Variants in MCTP1 observed in about 807,000 individuals in gnomAD.
MCTP1 encodes the protein multiple C2 and transmembrane domain containing 1.
Under a neutral mutation model 120.6 loss-of-function variants are expected in MCTP1, and 69 were observed. The ratio of observed to expected loss-of-function variants is 0.57; its 90% confidence interval spans 0.47 to 0.70. MCTP1 has a LOEUF of 0.70. Among genes scored for constraint, MCTP1 ranks in the 30% least tolerant of loss-of-function variants. The pLI is 0.00. For missense variants in MCTP1, 1,203 were observed against 1,248.8 expected (o/e 0.96, Z 0.55); for synonymous variants, 529 against 493.1 (o/e 1.07, Z -0.96).
intron 11 of MCTP1, among the ~76,000 whole-genome samples, chr5:94,889,750 C>CCACACACACACACACACA (rs750983646): frequency 1.2e-3 from 172 of 145,704 alleles, no homozygotes; most frequent in Middle Eastern, 6.9e-3. Flanking sequence ...TGAATGTACA[C>CCACACACACACACACACA]CACACACACA....
At chr5:95,005,196 T>C (rs1004435730) in intron 2 of MCTP1, among the ~76,000 whole-genome samples, 1 of 152,104 alleles carries the variant, frequency 6.6e-6, no homozygotes, top group South Asian at 2.1e-4. Context: ...GGCCAATTTT[T>C]CCCTTTTTTT....
At chr5:95,119,895 G>A (rs10476624) in intron 1 of MCTP1, among the ~76,000 whole-genome samples, 420 of 151,988 alleles carry the variant, frequency 2.8e-3, no homozygotes, top group African/African-American at 9.4e-3. Context: ...CCCAGCAGCC[G>A]GGCGCGGTGG....
intron 17 of MCTP1, among the ~76,000 whole-genome samples, chr5:94,816,219 A>AT (rs1356894623): frequency 6.6e-6 from 1 of 152,350 alleles, no homozygotes; most frequent in East Asian, 1.9e-4. Flanking sequence ...ATCTTTGTGT[A>AT]TATGGATACA....
At chr5:95,016,104 A>T (rs896323965) in intron 2 of MCTP1, among the ~76,000 whole-genome samples, 2 of 152,144 alleles carry the variant, frequency 1.3e-5, no homozygotes, top group African/African-American at 4.8e-5. Context: ...CCAGACAGTT[A>T]TTTTGAAAAC....
At chr5:95,028,417 C>A (rs930718615) in intron 1 of MCTP1, among the ~76,000 whole-genome samples, 1 of 152,032 alleles carries the variant, frequency 6.6e-6, no homozygotes, top group Non-Finnish European at 1.5e-5. Context: ...CCAAACTAAA[C>A]AAAATGGGCC....
chr5:95,138,678 C>T (rs1283025627), intron 1 of MCTP1, among the ~76,000 whole-genome samples: 1 of 152,134 alleles, frequency 6.6e-6, no homozygotes, highest in Non-Finnish European at 1.5e-5. Context: ...GAGCCGCCGT[C>T]CCTCCAGCTG....
chr5:94,875,940 T>G (rs1798778153), intron 12 of MCTP1, among the ~76,000 whole-genome samples: 1 of 152,144 alleles, frequency 6.6e-6, no homozygotes, highest in African/African-American at 2.4e-5. Flanking sequence ...ACATCAGGTC[T>G]TTCCACACTA....
intron 1 of MCTP1, among the ~76,000 whole-genome samples, chr5:95,228,131 G>C (rs184006820): frequency 6.6e-6 from 1 of 152,146 alleles, no homozygotes; most frequent in Non-Finnish European, 1.5e-5. Flanking sequence ...AATGATGTTT[G>C]AGACTTTGAA....
rs1754411237 is a variant in MCTP1, at chr5:94,705,777, T to TATC, written c.*1716_*1718dup. On this transcript the variant is annotated 3_prime_UTR_variant, in exon 23 of 23. Transcript: ENST00000515393. ...ATAATTGAAAGTTATTTCAAACAGT[T>TATC]ATCTCATCAATAAACTTTCTGTAGT... is the stretch of plus-strand genomic sequence containing the variant. 1 of 151,596 alleles carries TATC rather than the reference T, an allele frequency of 6.6e-6. No individual in the cohort carries two copies. The allele number at this position is 151,596 out of a possible 1,614,324, so 9.4% of individuals were successfully genotyped here. A position where few individuals can be genotyped will look rare whatever the true frequency, so the allele number is the denominator to read the frequency against.
At chr5:95,259,162 T>G (rs1386890209) in intron 1 of MCTP1, among the ~76,000 whole-genome samples, 2 of 152,164 alleles carry the variant, frequency 1.3e-5, no homozygotes, top group African/African-American at 4.8e-5. Context: ...CGCGTCAAGT[T>G]GCCAGAGGCC....
At chr5:94,905,181 T>A (rs1182403494) in intron 10 of MCTP1, among the ~76,000 whole-genome samples, 1 of 152,056 alleles carries the variant, frequency 6.6e-6, no homozygotes, top group Non-Finnish European at 1.5e-5. Context: ...GGAGGGTGTC[T>A]GGTATGCCTT....
At chr5:94,867,102 A>G (rs1390187218) in intron 17 of MCTP1, 1 of 698,948 alleles carries the variant, frequency 1.4e-6, no homozygotes, top group African/African-American at 1.8e-5. Flanking sequence ...TCATCAATGT[A>G]AAAGTACCTC....
chr5:95,254,118 G>C (rs1364625541), intron 1 of MCTP1, among the ~76,000 whole-genome samples: 1 of 151,996 alleles, frequency 6.6e-6, no homozygotes, highest in Non-Finnish European at 1.5e-5. Context: ...CTTCCCTCTT[G>C]TATTTCTCTC....
At chr5:95,207,299 T>C (rs1751736842) in intron 1 of MCTP1, among the ~76,000 whole-genome samples, 1 of 152,172 alleles carries the variant, frequency 6.6e-6, no homozygotes, top group Non-Finnish European at 1.5e-5. Context: ...GGCTTATCTC[T>C]GGGACAGAGG....
At chr5:95,212,106 T>C (rs1431821618) in intron 1 of MCTP1, among the ~76,000 whole-genome samples, 1 of 151,708 alleles carries the variant, frequency 6.6e-6, no homozygotes, top group African/African-American at 2.4e-5. Context: ...TCAACAAAAT[T>C]GACAGACTGC....
chr5:94,986,763 G>A (rs181735319), intron 2 of MCTP1, among the ~76,000 whole-genome samples: 118 of 152,112 alleles, frequency 7.8e-4, no homozygotes, highest in Middle Eastern at 6.8e-3. Flanking sequence ...CAACCGCCTC[G>A]GCCTCCCAAA....
chr5:94,733,857 G>A (rs554945643), intron 19 of MCTP1, among the ~76,000 whole-genome samples: 3 of 151,856 alleles, frequency 2.0e-5, no homozygotes, highest in South Asian at 2.1e-4. Flanking sequence ...CCAGCTACCC[G>A]GGAGGCTGAG....
chr5:95,186,323 T>C (rs1316850014), intron 1 of MCTP1, among the ~76,000 whole-genome samples: 2 of 149,026 alleles, frequency 1.3e-5, no homozygotes, highest in African/African-American at 4.9e-5. Flanking sequence ...TTTTGCAAAG[T>C]TGCAAGATAG....
intron 1 of MCTP1, among the ~76,000 whole-genome samples, chr5:95,042,075 C>T (rs1842448072): frequency 6.6e-6 from 1 of 152,190 alleles, no homozygotes; most frequent in African/African-American, 2.4e-5. Flanking sequence ...TGCTTCATCA[C>T]TGAAATGTTA....
Sources: allele counts gnomAD v4.1 joint callset (sites outside exome capture counted in the v4.1 genomes callset), GRCh38; gene constraint gnomAD v4.1.1; transcripts MANE v1.5; gene names NCBI Gene and HGNC (gene_info 2026-07-23, HGNC 2026-07-21).